The following TESK1 variants were observed in gnomAD, a reference collection of about 807,000 sequenced individuals.
TESK1 encodes the protein dual specificity testis-specific protein kinase 1.
A neutral mutation model predicts 59.9 loss-of-function variants in TESK1; 18 were observed. That is an observed-to-expected ratio of 0.30 (90% confidence interval 0.21 to 0.45). The LOEUF is 0.45. TESK1 is among the 20% of genes least tolerant of loss of function. The probability of loss-of-function intolerance (pLI) is 1.00; values close to 1 mark genes in which losing one functional copy is unlikely to be tolerated. For synonymous variants in TESK1, 341 were observed against 357.4 expected (o/e 0.95, Z 0.52); for missense variants, 748 against 840.9 (o/e 0.89, Z 1.37).
rs916640818 is a variant in TESK1 at position 35,607,038 on chromosome 9, T to C, written c.537+55T>C. ...AAGAGGGTTTGAGGCTATTAGGTTG[T>C]AACTGGCCTGTGGATGTTGGAATAT... On this transcript the variant is annotated intron_variant, in intron 4 of 9. Coordinates refer to ENST00000336395, the MANE Select transcript of TESK1 (RefSeq NM_006285.3). This position sits in a 1 kb window ranked among gnomAD's most constrained non-coding sequence, Gnocchi z 4.5. 98 of 1,503,778 alleles carry C rather than the reference T, an allele frequency of 6.5e-5. No homozygotes were observed. The highest frequency in any genetic ancestry group is 5.3e-4 in the Middle Eastern group (3 of 5,660). The allele number at this position is 1,503,778 out of a possible 1,614,324, so 93.2% of individuals were successfully genotyped here. A position where few individuals can be genotyped will look rare whatever the true frequency, so the allele number is the denominator to read the frequency against.
In TESK1 at chr9:35,606,969, G is replaced by A; in HGVS notation, c.523G>A (p.Asp175Asn). ...GCACTCCAAAGGTGTATTTCACCGCGACCTCACATCCAAGGTAGGCTAGCA... is the reference window on the plus strand; with the variant it reads ...GCACTCCAAAGGTGTATTTCACCGCAACCTCACATCCAAGGTAGGCTAGCA... ...YLHSKGVFHRDLTSKNCLVRR... is the reference protein window; with the variant it reads ...YLHSKGVFHRNLTSKNCLVRR... The change falls in exon 4 of 10, where the codon GAC becomes AAC. Residue 175 changes from aspartate (D) to asparagine (N), a missense_variant. By Grantham distance (23) the Asp-to-Asn change is conservative (BLOSUM62 1). Coordinates refer to ENST00000336395, the MANE Select transcript of TESK1 (RefSeq NM_006285.3). 6.3e-7 allele frequency: 1 copy of A among 1,599,638 alleles called. No homozygotes were observed. The highest frequency in any genetic ancestry group is 8.5e-7 in the Non-Finnish European group (1 of 1,171,622).
rs751330906 is a variant in TESK1 at position 35,607,883 on chromosome 9, G to A, written c.712-45G>A. 4.4e-6 allele frequency: 7 copies of A among 1,602,676 alleles called. No homozygotes were observed. The South Asian group carries it at 6.6e-5, about 15-fold the overall frequency. ...CTATATTCTGTCAAAATTCTGAAAT[G>A]AAAACTGTTAATTCTTCCCCGACAC... On this transcript the variant is annotated intron_variant, in intron 6 of 9. Coordinates refer to ENST00000336395, the MANE Select transcript of TESK1 (RefSeq NM_006285.3). This position sits in a 1 kb window ranked among gnomAD's most constrained non-coding sequence, Gnocchi z 4.5.
At position 35,609,918 on chromosome 9, in the gene TESK1, G is replaced by A. The variant is rs929469734; in HGVS notation, c.*176G>A. 3.2e-5 allele frequency: 22 copies of A among 685,250 alleles called. No individual in the cohort carries two copies. The highest frequency in any genetic ancestry group is 1.5e-4 in the African/African-American group (8 of 55,044). 42.4% of individuals were successfully genotyped at this position (685,250 alleles called of 1,614,324 possible). On this transcript the variant is annotated 3_prime_UTR_variant, in exon 10 of 10. Transcript: ENST00000336395. This position sits in a 1 kb window ranked among gnomAD's most constrained non-coding sequence, Gnocchi z 6.7. Reference sequence around the variant, plus strand: ...GCACTTCCAGTCGACCCCCCGGCTCGCGTTCCCGTGGGGATCACTGAACCA... The same window carrying A: ...GCACTTCCAGTCGACCCCCCGGCTCACGTTCCCGTGGGGATCACTGAACCA...
chr9:35,609,636 C>G lies in TESK1; in HGVS notation c.1775C>G (p.Ala592Gly), dbSNP rs1233410391. ...SMCPRPTPAV[A>G]RYRNLNCEAG... ...TGCCCCCGCCCCACACCAGCTGTTG[C>G]CCGCTACCGCAACCTGAACTGTGAG... Residue 592 changes from alanine to glycine, a missense_variant, in exon 10 of 10, where the codon GCC (alanine) becomes GGC (glycine). Around this residue, in one of 3 missense-constraint regions of TESK1, gnomAD observed 447 missense variants for 466.1 expected, o/e 0.96. Coordinates refer to ENST00000336395, the MANE Select transcript of TESK1 (RefSeq NM_006285.3). This position sits in a 1 kb window ranked among gnomAD's most constrained non-coding sequence, Gnocchi z 6.7. 6.2e-7 allele frequency: 1 copy of G among 1,609,054 alleles called. No homozygotes were observed. The highest frequency in any genetic ancestry group is 8.5e-7 in the Non-Finnish European group (1 of 1,179,964).
At position 35,607,911 on chromosome 9, in the gene TESK1, TTA is replaced by T. The variant is rs772766235; in HGVS notation, c.712-15_712-14del. 1 of 1,612,922 alleles carries T rather than the reference TTA, an allele frequency of 6.2e-7. No individual in the cohort carries two copies. The highest frequency in any genetic ancestry group is 1.3e-5 in the African/African-American group (1 of 75,006). ...AACTGTTAATTCTTCCCCGACACTA[TTA>T]TCTCTGACCCCCAGGCTGATGTCTT... On this transcript the variant is annotated splice_polypyrimidine_tract_variant and intron_variant, in intron 6 of 9. Transcript: ENST00000336395. The surrounding 1 kb of genome is among the most constrained non-coding windows in gnomAD (Gnocchi z 4.5).
Position 35,606,885 on chromosome 9 carries a change from C to T in TESK1, c.439C>T (p.Leu147=). Residue 147 remains leucine (L), a synonymous_variant, in exon 4 of 10, where the codon CTG becomes TTG. Coordinates refer to ENST00000336395, the MANE Select transcript of TESK1 (RefSeq NM_006285.3). ...LEQLLSSPEP[L]SWPVRLHLAL... ...ACAGCTGCTCAGCTCCCCTGAACCC[C>T]TGTCCTGGCCGGTCAGGCTCCACCT... 2 of 1,613,768 alleles carry T rather than the reference C, an allele frequency of 1.2e-6. No homozygotes were observed. The highest frequency in any genetic ancestry group is 2.2e-5 in the South Asian group (2 of 91,060).
chr9:35,609,775 T>G lies in TESK1; in HGVS notation c.*33T>G. 1 of 1,521,662 alleles carries G rather than the reference T, an allele frequency of 6.6e-7. No individual in the cohort carries two copies. Among genetic ancestry groups the G allele is most frequent in the Non-Finnish European group, 8.8e-7 (1 of 1,139,726 alleles). 94.3% of individuals were successfully genotyped at this position (1,521,662 alleles called of 1,614,324 possible). ...GCCCGTGGTCTCAGGCCTCCAACTT[T>G]GGCCTTCAGGACACCCTGTAAGAAC... is the stretch of plus-strand genomic sequence containing the variant. On this transcript the variant is annotated 3_prime_UTR_variant, in exon 10 of 10. Transcript: ENST00000336395. The surrounding 1 kb of genome is among the most constrained non-coding windows in gnomAD (Gnocchi z 6.7).
Position 35,606,864 on chromosome 9 carries a change from C to T in TESK1, c.418C>T (p.Leu140=). ...EYMNGGTLEQ[L]LSSPEPLSWP... ...TATGAATGGGGGGACATTGGAACAG[C>T]TGCTCAGCTCCCCTGAACCCCTGTC... Residue 140 remains leucine (L), a synonymous_variant, in exon 4 of 10, where the codon CTG becomes TTG. Transcript: ENST00000336395. 1 of 1,611,850 alleles carries T rather than the reference C, an allele frequency of 6.2e-7. No individual in the cohort carries two copies.
chr9:35,605,850 C>G lies in TESK1; in HGVS notation c.219+12C>G, dbSNP rs759082698. ...CTGAGGTCTACAAGGTAGGACCGGC[C>G]GAGAGGGCAGAGGGGCGGGACCGAG... On this transcript the variant is annotated intron_variant, in intron 1 of 9. Transcript: ENST00000336395. 6 of 1,609,514 alleles carry G rather than the reference C, an allele frequency of 3.7e-6. No individual in the cohort carries two copies. Among genetic ancestry groups the G allele is most frequent in the South Asian group, 1.1e-5 (1 of 90,744 alleles).
chr9:35,608,962 AC>A lies in TESK1; in HGVS notation c.1107del (p.Asn370ThrfsTer6). 1 of 1,613,120 alleles carries A rather than the reference AC, an allele frequency of 6.2e-7. No homozygotes were observed. Among genetic ancestry groups the A allele is most frequent in the Non-Finnish European group, 8.5e-7 (1 of 1,179,810 alleles). On this transcript the variant is annotated frameshift_variant, in exon 10 of 10. Transcript: ENST00000336395. LOFTEE classifies it high-confidence loss of function. ...DLFLPPSPES[P>X]PNWGDNLTRV... ...TCTTCCTGCCCCCATCACCAGAATC[AC>A]CCCCCAACTGGGGGGACAATCTGAC...
chr9:35,609,856 C>CTACACGGG lies in TESK1; in HGVS notation c.*114_*115insTACACGGG. On this transcript the variant is annotated 3_prime_UTR_variant, in exon 10 of 10. Transcript: ENST00000336395. The surrounding 1 kb of genome is among the most constrained non-coding windows in gnomAD (Gnocchi z 6.7). The stretch of plus-strand genomic sequence containing the variant: ...AGATGGGCTGACCGGCTCTTCTCCC[C>CTACACGGG]GTGTAGGGGAGCCCCAGCATGGACT... 3.1e-6 allele frequency: 4 copies of CTACACGGG among 1,277,958 alleles called. No individual in the cohort carries two copies. The highest frequency in any genetic ancestry group is 4.2e-6 in the Non-Finnish European group (4 of 957,800). 79.2% of individuals were successfully genotyped at this position (1,277,958 alleles called of 1,614,324 possible). A position where few individuals can be genotyped will look rare whatever the true frequency, so the allele number is the denominator to read the frequency against.
In TESK1 at chr9:35,605,289, A is replaced by T. The variant is rs1055446970; in HGVS notation, c.-331A>T. 1 of 148,336 alleles carries T rather than the reference A, an allele frequency of 6.7e-6. No individual in the cohort carries two copies. Among genetic ancestry groups the T allele is most frequent in the Non-Finnish European group, 1.5e-5 (1 of 66,042 alleles). 9.2% of individuals were successfully genotyped at this position (148,336 alleles called of 1,614,324 possible). ...AGCCTGATCCCCGGCGGCTAAGCGG[A>T]GCAGCCGCCGCCCGCCCGCCCGCCC... On this transcript the variant is annotated 5_prime_UTR_variant, in exon 1 of 10. Transcript: ENST00000336395.
Position 35,607,309 on chromosome 9 carries a change from T to C in TESK1, c.538-18T>C, listed in dbSNP as rs202154174. The C allele has an allele frequency of 3.7e-6, 6 of 1,613,782 alleles. No homozygotes were observed. Among genetic ancestry groups the C allele is most frequent in the Non-Finnish European group, 5.1e-6 (6 of 1,179,768 alleles). On this transcript the variant is annotated intron_variant, in intron 4 of 9. Coordinates refer to ENST00000336395, the MANE Select transcript of TESK1 (RefSeq NM_006285.3). This position sits in a 1 kb window ranked among gnomAD's most constrained non-coding sequence, Gnocchi z 4.5. ...GAAGGTGATGAGTGCGTGGGGATAC[T>C]ATGTGTGTGTGTGTCAGAACTGTCT...
At position 35,606,869 on chromosome 9, in the gene TESK1, C is replaced by T. The variant is rs201089947; in HGVS notation, c.423C>T (p.Leu141=). The T allele has an allele frequency of 6.6e-5, 106 of 1,612,710 alleles. No homozygotes were observed. Among genetic ancestry groups the T allele is most frequent in the Non-Finnish European group, 4.3e-5 (51 of 1,179,398 alleles). Residue 141 remains leucine (L), a synonymous_variant, in exon 4 of 10, where the codon CTC becomes CTT. Coordinates refer to ENST00000336395, the MANE Select transcript of TESK1 (RefSeq NM_006285.3). The part of the protein sequence containing the change: ...YMNGGTLEQL[L]SSPEPLSWPV... The stretch of plus-strand genomic sequence containing the variant: ...ATGGGGGGACATTGGAACAGCTGCT[C>T]AGCTCCCCTGAACCCCTGTCCTGGC...
Position 35,609,116 on chromosome 9 carries a change from G to A in TESK1, c.1255G>A (p.Val419Met), listed in dbSNP as rs1204849472. 1.2e-6 allele frequency: 2 copies of A among 1,614,096 alleles called. No individual in the cohort carries two copies. The highest frequency in any genetic ancestry group is 1.1e-5 in the South Asian group (1 of 91,082). ...ATTCCCATCCACTCAGCTGCCCTTG[G>A]TGACCACTCCGGAGACCCTGGTCCA... The part of the protein sequence containing the change: ...SPFPSTQLPL[V>M]TTPETLVQPG... The change falls in exon 10 of 10, where the codon GTG becomes ATG. Residue 419 changes from valine to methionine, a missense_variant. Coordinates refer to ENST00000336395, the MANE Select transcript of TESK1 (RefSeq NM_006285.3). The surrounding 1 kb of genome is among the most constrained non-coding windows in gnomAD (Gnocchi z 6.7).
At position 35,606,747 on chromosome 9, in the gene TESK1, T is replaced by A. The variant is rs1429423324; in HGVS notation, c.391-90T>A. On this transcript the variant is annotated intron_variant, in intron 3 of 9. Coordinates refer to ENST00000336395, the MANE Select transcript of TESK1 (RefSeq NM_006285.3). Reference sequence around the variant, plus strand: ...AGTCTTACCCCTATGACCTCTGTGATCCTCGGGAGTGTCCCCTAGCGTGTA... The same window carrying A: ...AGTCTTACCCCTATGACCTCTGTGAACCTCGGGAGTGTCCCCTAGCGTGTA... The A allele has an allele frequency of 3.7e-6, 5 of 1,354,250 alleles. No individual in the cohort carries two copies. In the African/African-American group the frequency reaches 7.3e-5, roughly 20 times the overall value. 83.9% of individuals were successfully genotyped at this position (1,354,250 alleles called of 1,614,324 possible). A position where few individuals can be genotyped will look rare whatever the true frequency, so the allele number is the denominator to read the frequency against.
At position 35,609,233 on chromosome 9, in the gene TESK1, C is replaced by A; in HGVS notation, c.1372C>A (p.Pro458Thr). Reference sequence around the variant, plus strand: ...GACAGCACTGCCAGGTCCTGGCCCTCCCGCTGTGGGCCCCTCGGCTGAAGA... The same window carrying A: ...GACAGCACTGCCAGGTCCTGGCCCTACCGCTGTGGGCCCCTCGGCTGAAGA... ...METALPGPGP[P>T]AVGPSAEEKM... The change falls in exon 10 of 10, where the codon CCC becomes ACC. Residue 458 changes from proline to threonine, a missense_variant. Coordinates refer to ENST00000336395, the MANE Select transcript of TESK1 (RefSeq NM_006285.3). The surrounding 1 kb of genome is among the most constrained non-coding windows in gnomAD (Gnocchi z 6.7). 6.2e-7 allele frequency: 1 copy of A among 1,614,116 alleles called. No individual in the cohort carries two copies. Among genetic ancestry groups the A allele is most frequent in the Non-Finnish European group, 8.5e-7 (1 of 1,180,022 alleles).
In TESK1 at chr9:35,609,026, G is replaced by A. The variant is rs762202304; in HGVS notation, c.1165G>A (p.Gly389Ser). The change falls in exon 10 of 10, where the codon GGT becomes AGT. Residue 389 changes from glycine (G) to serine (S), a missense_variant. Around this residue, in one of 3 missense-constraint regions of TESK1, gnomAD observed 447 missense variants for 466.1 expected, o/e 0.96. Transcript: ENST00000336395. The surrounding 1 kb of genome is among the most constrained non-coding windows in gnomAD (Gnocchi z 6.7). ...CTTCTCACTACGGGAAGACCTCAGGGGTGGCAAGATCAAGCTCTTAGACAC... is the reference window on the plus strand; with the variant it reads ...CTTCTCACTACGGGAAGACCTCAGGAGTGGCAAGATCAAGCTCTTAGACAC... ...NPFSLREDLRGGKIKLLDTPS... is the reference protein window; with the variant it reads ...NPFSLREDLRSGKIKLLDTPS... The A allele has an allele frequency of 6.2e-7, 1 of 1,614,140 alleles. No homozygotes were observed. The highest frequency in any genetic ancestry group is 1.7e-5 in the Admixed American group (1 of 60,018).
At position 35,607,352 on chromosome 9, in the gene TESK1, G is replaced by C. The variant is rs776434149; in HGVS notation, c.563G>C (p.Arg188Pro). Residue 188 changes from arginine to proline, a missense_variant, in exon 5 of 10, where the codon CGA (arginine) becomes CCA (proline). Arg to Pro is a moderately radical substitution (Grantham distance 103). This residue lies in a region of TESK1 where 168 missense variants were observed against 257.4 expected (regional missense o/e 0.65). Transcript: ENST00000336395. This position sits in a 1 kb window ranked among gnomAD's most constrained non-coding sequence, Gnocchi z 4.5. ...SKNCLVRREDRGFTAVVGDFG... is the reference protein window; with the variant it reads ...SKNCLVRREDPGFTAVVGDFG... ...AACTGTCTAGTCCGACGGGAAGATC[G>C]AGGCTTCACCGCTGTCGTGGGTGAC... The C allele has an allele frequency of 1.2e-6, 2 of 1,614,146 alleles. No individual in the cohort carries two copies. Among genetic ancestry groups the C allele is most frequent in the Non-Finnish European group, 8.5e-7 (1 of 1,180,016 alleles).
Sources: allele counts gnomAD v4.1 joint callset, GRCh38; gene constraint gnomAD v4.1.1; regional missense constraint gnomAD v4.1.1; non-coding constraint Gnocchi (gnomAD v3.1); transcripts MANE v1.5; gene names NCBI Gene and HGNC (gene_info 2026-07-23, HGNC 2026-07-21).